Variants in NSL1 observed in about 807,000 individuals in gnomAD.
The protein encoded by NSL1 is kinetochore-associated protein NSL1 homolog.
Under a neutral mutation model 25.4 loss-of-function variants are expected in NSL1, and 11 were observed. The ratio of observed to expected loss-of-function variants is 0.43; its 90% confidence interval spans 0.27 to 0.72. The LOEUF is 0.72. Among genes scored for constraint, NSL1 ranks in the 30% least tolerant of loss-of-function variants. NSL1 has a pLI of 0.19. For synonymous variants in NSL1, 118 were observed against 120.6 expected (o/e 0.98, Z 0.14); for missense variants, 330 against 342.7 (o/e 0.96, Z 0.29).
chr1:212,790,876 T>C (rs150358721), intron 1 of NSL1, among the ~76,000 whole-genome samples: 24,671 of 151,140 alleles, frequency 0.16, 2,954 homozygotes, highest in Admixed American at 0.39. Context: ...TGAGCCGAGA[T>C]CGCGCCACTG....
chr1:212,784,062 C>T (rs1660836180), intron 3 of NSL1: 1 of 178,526 alleles, frequency 5.6e-6, no homozygotes, highest in Admixed American at 6.2e-5. Flanking sequence ...CTTTTTCCAT[C>T]CTTGTCTCAG....
intron 4 of NSL1, among the ~76,000 whole-genome samples, chr1:212,781,333 A>G (rs1166275351): frequency 2.6e-5 from 4 of 152,336 alleles, no homozygotes; most frequent in Non-Finnish European, 4.4e-5. Context: ...ATACTTGAGT[A>G]TATCATAATA....
chr1:212,779,818 C>T (rs1186034712), intron 4 of NSL1, among the ~76,000 whole-genome samples: 2 of 145,352 alleles, frequency 1.4e-5, no homozygotes, highest in Non-Finnish European at 3.1e-5. Flanking sequence ...GCCGCCCCGT[C>T]CGGGAGGGAG....
At chr1:212,788,557 A>G (rs768343166) in intron 1 of NSL1, among the ~76,000 whole-genome samples, 1 of 152,230 alleles carries the variant, frequency 6.6e-6, no homozygotes, top group Non-Finnish European at 1.5e-5. Flanking sequence ...CAAAAAATAG[A>G]CAAATTGGAC....
At position 212,734,906 on chromosome 1, in the gene NSL1, T is replaced by G. The variant is rs1456690289; in HGVS notation, c.*3502A>C. Among the ~76,000 whole-genome samples, 2 of 152,242 alleles carry G rather than the reference T, an allele frequency of 1.3e-5. No individual in the cohort carries two copies. Among genetic ancestry groups the G allele is most frequent in the Non-Finnish European group, 2.9e-5 (2 of 68,044 alleles). ...ACCTTCCTGAAGGCAACACTTGTCC[T>G]GAGTGTTTTCATTTCCTTTATCAAA... is the stretch of plus-strand genomic sequence containing the variant. On this transcript the variant is annotated 3_prime_UTR_variant, in exon 6 of 6. Coordinates refer to ENST00000366977, the MANE Select transcript of NSL1 (RefSeq NM_015471.4).
intron 4 of NSL1, among the ~76,000 whole-genome samples, chr1:212,740,429 G>C (rs1658448562): frequency 6.6e-6 from 1 of 152,006 alleles, no homozygotes; most frequent in South Asian, 2.1e-4. Context: ...ACTGAAAGAG[G>C]GCACTCAAAG....
intron 4 of NSL1, among the ~76,000 whole-genome samples, chr1:212,768,329 A>AC (rs1228810461): frequency 2.6e-5 from 4 of 151,306 alleles, no homozygotes; most frequent in Admixed American, 6.6e-5. Context: ...CAAAAAAAAA[A>AC]AAAAAAAAAA....
intron 4 of NSL1, among the ~76,000 whole-genome samples, chr1:212,761,538 C>T (rs1195796841): frequency 2.6e-5 from 4 of 152,032 alleles, no homozygotes; most frequent in African/African-American, 4.8e-5. Context: ...ACTTGGGAGG[C>T]GGAGGTGGAA....
Position 212,734,613 on chromosome 1 carries a change from C to T in NSL1, c.*3795G>A, listed in dbSNP as rs1283233793. Among the ~76,000 whole-genome samples, 1 of 152,200 alleles carries T rather than the reference C, an allele frequency of 6.6e-6. No homozygotes were observed. The highest frequency in any genetic ancestry group is 1.5e-5 in the Non-Finnish European group (1 of 68,028). ...TTTGCCCATTCTGTGATTCCATACA[C>T]AGGATGTATTCTCTTGTGCCTGGCT... On this transcript the variant is annotated 3_prime_UTR_variant, in exon 6 of 6. Coordinates refer to ENST00000366977, the MANE Select transcript of NSL1 (RefSeq NM_015471.4).
At position 212,735,195 on chromosome 1, in the gene NSL1, TAGAC is replaced by T. The variant is rs1658183448; in HGVS notation, c.*3209_*3212del. The T allele has an allele frequency of 5.5e-6, 3 of 541,434 alleles. No homozygotes were observed. In the African/African-American group the frequency reaches 6.2e-5, roughly 11 times the overall value. 33.5% of individuals were successfully genotyped at this position (541,434 alleles called of 1,614,324 possible). On this transcript the variant is annotated 3_prime_UTR_variant, in exon 6 of 6. Coordinates refer to ENST00000366977, the MANE Select transcript of NSL1 (RefSeq NM_015471.4). ...CTTTAAGATCTCTGACTTTTGATCA[TAGAC>T]AGGTTAAGTAACTTGTCCAATATCA...
At chr1:212,766,385 C>A in intron 4 of NSL1, 1 of 429,254 alleles carries the variant, frequency 2.3e-6, no homozygotes, top group Non-Finnish European at 4.1e-6. Flanking sequence ...AAAAGAGGAA[C>A]CCAAACTGTC....
chr1:212,739,574 CTG>C lies in NSL1; in HGVS notation c.525_526del (p.Cys175TrpfsTer11). ...GATCTCCTTTGCTACTGTTTCCCCT[CTG>C]CATTTCAAATTTTCCATATGAGGGG... On this transcript the variant is annotated frameshift_variant, in exon 5 of 6. Transcript: ENST00000366977. LOFTEE classifies it high-confidence loss of function. 1 of 1,613,602 alleles carries C rather than the reference CTG, an allele frequency of 6.2e-7. No homozygotes were observed. The highest frequency in any genetic ancestry group is 8.5e-7 in the Non-Finnish European group (1 of 1,179,734).
intron 4 of NSL1, among the ~76,000 whole-genome samples, chr1:212,756,819 C>CA (rs912362900): frequency 1.3e-5 from 2 of 150,042 alleles, no homozygotes; most frequent in Admixed American, 6.6e-5. Context: ...GGCTCCGTCT[C>CA]AAAAAAAAGA....
At chr1:212,784,144 TC>T (rs769332349) in intron 3 of NSL1, 1 of 278,178 alleles carries the variant, frequency 3.6e-6, no homozygotes, top group Non-Finnish European at 6.6e-6. Context: ...TTCATTTTTT[TC>T]ATTTTTGAAC....
intron 4 of NSL1, among the ~76,000 whole-genome samples, chr1:212,750,643 G>A (rs567028784): frequency 1.3e-5 from 2 of 152,176 alleles, no homozygotes; most frequent in South Asian, 4.2e-4. Flanking sequence ...AGAAAACAAA[G>A]CAAACAGAAA....
chr1:212,762,607 A>G (rs1659626686), intron 4 of NSL1, among the ~76,000 whole-genome samples: 1 of 152,196 alleles, frequency 6.6e-6, no homozygotes, highest in Non-Finnish European at 1.5e-5. Flanking sequence ...AGCCTACTGC[A>G]TGAGACAGGT....
intron 4 of NSL1, among the ~76,000 whole-genome samples, chr1:212,778,772 G>A (rs2102394889): frequency 6.6e-6 from 1 of 152,240 alleles, no homozygotes; most frequent in South Asian, 2.1e-4. Flanking sequence ...CCAGCAGCCT[G>A]CCTTGGCCTC....
At chr1:212,772,080 C>T (rs1050341145) in intron 4 of NSL1, among the ~76,000 whole-genome samples, 5 of 152,212 alleles carry the variant, frequency 3.3e-5, no homozygotes, top group South Asian at 2.1e-4. Flanking sequence ...CTCTTGCCAC[C>T]GCCATTTAAG....
At chr1:212,779,666 C>A (rs1480403278) in intron 4 of NSL1, among the ~76,000 whole-genome samples, 1 of 118,108 alleles carries the variant, frequency 8.5e-6, no homozygotes, top group East Asian at 2.6e-4. Flanking sequence ...GCGCCTCTGC[C>A]TGGCCGCCCC....
Sources: gnomAD v4.1 joint callset for allele counts (sites outside exome capture counted in the v4.1 genomes callset) on GRCh38, gnomAD v4.1.1 for gene constraint, MANE v1.5 for transcripts, NCBI Gene and HGNC (gene_info 2026-07-23, HGNC 2026-07-21) for gene names.